POLA1: variants seen among roughly 807,000 people sequenced by gnomAD.
POLA1 encodes DNA polymerase alpha 1, catalytic subunit.
POLA1 carries 15 observed loss-of-function variants against 124.0 expected under a neutral mutation model. The ratio of observed to expected loss-of-function variants is 0.12; its 90% CI spans 0.08 to 0.19. The LOEUF (loss-of-function observed/expected upper bound fraction) is 0.19, where lower values mean the gene tolerates loss of function less well. Ranked by LOEUF, POLA1 falls within the 10% of genes least tolerant of loss-of-function variation. The probability of loss-of-function intolerance (pLI) is 1.00; values close to 1 mark genes in which losing one functional copy is unlikely to be tolerated. For missense variants in POLA1, 886 were observed against 1,103.4 expected (o/e 0.80, Z 2.79); for synonymous variants, 408 against 389.4 (o/e 1.05, Z -0.56).
At chrX:24,923,442 T>G (rs2047646241) in intron 35 of POLA1, among the ~76,000 whole-genome samples, 1 of 111,761 alleles carries the variant, frequency 8.9e-6, no homozygotes, top group Non-Finnish European at 1.9e-5. Context: ...TATTTCCTGA[T>G]GCTTATTCAG....
chrX:24,808,678 A>C (rs1452759222), intron 26 of POLA1, among the ~76,000 whole-genome samples: 1 of 111,314 alleles, frequency 9.0e-6, no homozygotes, highest in East Asian at 2.8e-4. Flanking sequence ...ATCTGAACAA[A>C]ACTGGGAGAT....
At chrX:24,956,596 A>G (rs1031245945) in intron 36 of POLA1, among the ~76,000 whole-genome samples, 3 of 111,073 alleles carry the variant, frequency 2.7e-5, no homozygotes, top group Non-Finnish European at 5.7e-5. Context: ...TGTTGTTTTC[A>G]ATGTATATTA....
chrX:24,745,857 A>G (rs887722400), intron 24 of POLA1, among the ~76,000 whole-genome samples: 1 of 111,955 alleles, frequency 8.9e-6, no homozygotes, highest in African/African-American at 3.2e-5. Flanking sequence ...TGGACGTCTC[A>G]TATAAATAGA....
intron 18 of POLA1, among the ~76,000 whole-genome samples, chrX:24,736,255 T>C (rs1931267966): frequency 8.9e-6 from 1 of 112,095 alleles, no homozygotes; most frequent in Non-Finnish European, 1.9e-5. Context: ...TACTCTTGGA[T>C]ACCTTATCTG....
chrX:24,803,907 G>C (rs973767306), intron 26 of POLA1, among the ~76,000 whole-genome samples: 13 of 75,040 alleles, frequency 1.7e-4, no homozygotes, highest in Non-Finnish European at 2.3e-4. Flanking sequence ...TTAAACAAGT[G>C]CTCTGATTTC....
chrX:24,745,986 A>AT (rs1308457559), intron 24 of POLA1, among the ~76,000 whole-genome samples: 2 of 111,727 alleles, frequency 1.8e-5, no homozygotes, highest in Admixed American at 1.9e-4. Context: ...ATAATATTCC[A>AT]TTTTATATGC....
chrX:24,714,931 G>A (rs889639545), intron 5 of POLA1, among the ~76,000 whole-genome samples: 1 of 112,088 alleles, frequency 8.9e-6, no homozygotes. Flanking sequence ...GATTAAGGGC[G>A]AAAGTAGAGG....
At chrX:24,840,050 G>C (rs1414762440) in intron 32 of POLA1, among the ~76,000 whole-genome samples, 3 of 112,094 alleles carry the variant, frequency 2.7e-5, no homozygotes, top group Non-Finnish European at 5.6e-5. Context: ...AGAATGTATA[G>C]TGTCTTGGTG....
At chrX:24,864,398 T>G (rs1374577743) in intron 34 of POLA1, among the ~76,000 whole-genome samples, 2 of 112,442 alleles carry the variant, frequency 1.8e-5, no homozygotes, top group Non-Finnish European at 3.8e-5. Flanking sequence ...CCTATCCTAT[T>G]TTGTATACCA....
chrX:24,748,634 A>G (rs1052174971), intron 25 of POLA1, among the ~76,000 whole-genome samples, 174 bp downstream of exon 25: 1 of 112,356 alleles, frequency 8.9e-6, no homozygotes, highest in African/African-American at 3.2e-5. Context: ...GTTTACAAAG[A>G]TTGTATCTGA....
intron 36 of POLA1, among the ~76,000 whole-genome samples, chrX:24,935,076 C>A (rs1376668390): frequency 9.0e-6 from 1 of 111,643 alleles, no homozygotes; most frequent in Non-Finnish European, 1.9e-5. Context: ...CCCTCTGTAC[C>A]TAATCTCCTC....
chrX:24,958,380 A>G (rs1476860147), intron 36 of POLA1, among the ~76,000 whole-genome samples: 1 of 111,936 alleles, frequency 8.9e-6, no homozygotes, highest in African/African-American at 3.3e-5. Flanking sequence ...GTGACTTCCT[A>G]GTTACGAAAC....
In POLA1 at chrX:24,748,300, G is replaced by A; in HGVS notation, c.2692-11G>A. 8.6e-7 allele frequency: 1 copy of A among 1,160,921 alleles called. No individual in the cohort carries two copies. Among genetic ancestry groups the A allele is most frequent in the Non-Finnish European group, 1.2e-6 (1 of 866,812 alleles). ...GTTTGATTTGTGTGAAATTTGTTGT[G>A]TGTTTATCAGGATGGAGAACAAGAA... On this transcript the variant is annotated splice_polypyrimidine_tract_variant and intron_variant, in intron 24 of 36. Transcript: ENST00000379068.
Position 24,862,687 on chromosome X carries a change from A to C in POLA1, c.4047+19010A>C, listed in dbSNP as rs2046733102. ...CTTTGGGGCAATCCTCTGATGTGTA[A>C]TTGCTTTACATCAGTCACAAGAGAG... On this transcript the variant is annotated intron_variant, in intron 34 of 36. Transcript: ENST00000379068. 5.1e-4 allele frequency among the ~76,000 whole-genome samples: 57 copies of C among 111,908 alleles called. No individual in the cohort carries two copies. In the South Asian group the frequency reaches 0.021, roughly 41 times the overall value.
At chrX:24,894,111 G>A (rs927905442) in intron 35 of POLA1, among the ~76,000 whole-genome samples, 2 of 111,867 alleles carry the variant, frequency 1.8e-5, no homozygotes, top group African/African-American at 3.3e-5. Context: ...TCAGAATAAT[G>A]ATCTTAGTAA....
At chrX:24,695,287 G>A (rs1184395242) in intron 1 of POLA1, among the ~76,000 whole-genome samples, 1 of 110,802 alleles carries the variant, frequency 9.0e-6, no homozygotes, top group East Asian at 2.8e-4. Context: ...CTTTGTAGCT[G>A]GATTTTTTTC....
At chrX:24,760,539 G>A (rs935642783) in intron 26 of POLA1, among the ~76,000 whole-genome samples, 2 of 112,052 alleles carry the variant, frequency 1.8e-5, no homozygotes, top group East Asian at 2.8e-4. Flanking sequence ...TAGCATACCC[G>A]TCACAACAGT....
chrX:24,919,214 C>T, intron 35 of POLA1, among the ~76,000 whole-genome samples: 1 of 112,247 alleles, frequency 8.9e-6, no homozygotes, highest in East Asian at 2.8e-4. Flanking sequence ...TAGCTCCTTT[C>T]TTCTAAAGAA....
intron 35 of POLA1, among the ~76,000 whole-genome samples, chrX:24,895,130 C>T (rs1030749800): frequency 1.8e-4 from 20 of 111,907 alleles, no homozygotes; most frequent in African/African-American, 6.5e-4. Context: ...AGGACTTGAA[C>T]ATATCTTTTT....
Sources: gnomAD v4.1 joint callset for allele counts (sites outside exome capture counted in the v4.1 genomes callset) on GRCh38, gnomAD v4.1.1 for gene constraint, MANE v1.5 for transcripts, NCBI Gene and HGNC (gene_info 2026-07-23, HGNC 2026-07-21) for gene names.